Variants in TRPM7 observed in about 807,000 individuals in gnomAD.
TRPM7 encodes the protein transient receptor potential cation channel subfamily M member 7.
TRPM7 carries 134 observed loss-of-function variants against 229.7 expected under a neutral mutation model. The ratio of observed to expected loss-of-function variants is 0.58; its 90% CI spans 0.51 to 0.67. TRPM7 has a LOEUF of 0.67. Among genes scored for constraint, TRPM7 ranks in the 30% least tolerant of loss-of-function variants. The pLI is 0.00. For synonymous variants in TRPM7, 699 were observed against 715.2 expected (o/e 0.98, Z 0.36); for missense variants, 1,901 against 2,210.0 (o/e 0.86, Z 2.80).
intron 7 of TRPM7, among the ~76,000 whole-genome samples, chr15:50,636,389 C>G (rs1023845930): frequency 3.3e-5 from 5 of 152,086 alleles, no homozygotes; most frequent in African/African-American, 4.8e-5. Context: ...CAGGGTTTCA[C>G]CATACTGGTC....
chr15:50,624,350 C>A, intron 11 of TRPM7, 50 bp from the exon 12 acceptor site: 3 of 1,460,902 alleles, frequency 2.1e-6, no homozygotes, highest in Non-Finnish European at 2.8e-6. Context: ...TCTAATTATA[C>A]AAACACTTTT....
Position 50,639,469 on chromosome 15 carries a change from A to G in TRPM7, c.615T>C (p.Ala205=). The change falls in exon 6 of 39, where the codon GCT becomes GCC. Residue 205 remains alanine, a synonymous_variant. Coordinates refer to ENST00000646667, the MANE Select transcript of TRPM7 (RefSeq NM_017672.6). ...SSRKICTIGI[A]PWGVIENRND... Reference sequence around the variant, plus strand: ...TTCTGTTTTCAATCACTCCCCATGGAGCTATTCCGATAGTGCAAATCTTTC... The same window carrying G: ...TTCTGTTTTCAATCACTCCCCATGGGGCTATTCCGATAGTGCAAATCTTTC... The G allele has an allele frequency of 6.2e-7, 1 of 1,612,046 alleles. No homozygotes were observed. Among genetic ancestry groups the G allele is most frequent in the Non-Finnish European group, 8.5e-7 (1 of 1,178,624 alleles).
Position 50,627,381 on chromosome 15 carries a change from T to C in TRPM7, c.1305+768A>G, listed in dbSNP as rs569396488. 1.4e-3 allele frequency among the ~76,000 whole-genome samples: 214 copies of C among 151,878 alleles called. 1 individual carries two copies. Among genetic ancestry groups the C allele is most frequent in the Admixed American group, 7.5e-3 (115 of 15,244 alleles). Reference sequence around the variant, plus strand: ...GACATTTGGTTAGAGGCCAGAAAGATAGGAGGAATTAAGCCCACGTGGGTA... The same window carrying C: ...GACATTTGGTTAGAGGCCAGAAAGACAGGAGGAATTAAGCCCACGTGGGTA... On this transcript the variant is annotated intron_variant, in intron 11 of 38. Coordinates refer to ENST00000646667, the MANE Select transcript of TRPM7 (RefSeq NM_017672.6).
At chr15:50,642,996 T>C (rs756036165) in intron 5 of TRPM7, among the ~76,000 whole-genome samples, 2 of 152,158 alleles carry the variant, frequency 1.3e-5, no homozygotes. Flanking sequence ...ATTGCTATTA[T>C]AAAAAAATTT....
intron 26 of TRPM7, among the ~76,000 whole-genome samples, chr15:50,590,683 G>T (rs1031132185): frequency 5.9e-5 from 9 of 152,192 alleles, no homozygotes; most frequent in African/African-American, 2.2e-4. Context: ...AATTAGCCAG[G>T]TGTGGTGGCG....
At chr15:50,645,729 A>G (rs2061244133) in intron 4 of TRPM7, among the ~76,000 whole-genome samples, 1 of 152,206 alleles carries the variant, frequency 6.6e-6, no homozygotes, top group Non-Finnish European at 1.5e-5. Flanking sequence ...TCTAAAGTTA[A>G]TGTTTTTAAT....
intron 11 of TRPM7, among the ~76,000 whole-genome samples, chr15:50,625,189 C>A (rs1041108614): frequency 1.3e-5 from 2 of 151,980 alleles, no homozygotes; most frequent in African/African-American, 4.8e-5. Context: ...TTGTATATTT[C>A]TGTGTATTTT....
intron 2 of TRPM7, among the ~76,000 whole-genome samples, chr15:50,660,642 T>C (rs2061699025): frequency 6.6e-6 from 1 of 152,124 alleles, no homozygotes; most frequent in East Asian, 1.9e-4. Context: ...TGAGCCACCA[T>C]GCCCAGCCTA....
intron 2 of TRPM7, among the ~76,000 whole-genome samples, chr15:50,658,407 T>C (rs1567099743): frequency 1.3e-5 from 2 of 150,304 alleles, no homozygotes; most frequent in Admixed American, 6.6e-5. Context: ...ACTCCGTCTC[T>C]ACAAAAAAAA....
chr15:50,611,215 T>A lies in TRPM7; in HGVS notation c.2158A>T (p.Thr720Ser), dbSNP rs1040254222. ...GAAGAAACTGCTAACTTAAGGCAGG[T>A]TGAATTACTCCAGTTCTTCAGTTCA... ...TYELKNWSNS[T>S]CLKLAVSSRL... The change falls in exon 17 of 39, where the codon ACC (threonine) becomes TCC (serine). Residue 720 changes from threonine to serine, a missense_variant. Physicochemically the swap from Thr to Ser is moderately conservative, Grantham distance 58 (BLOSUM62 1). Transcript: ENST00000646667. 1.2e-6 allele frequency: 2 copies of A among 1,613,862 alleles called. No homozygotes were observed. The highest frequency in any genetic ancestry group is 1.7e-6 in the Non-Finnish European group (2 of 1,179,952).
chr15:50,632,687 G>C (rs1244522546), intron 9 of TRPM7, among the ~76,000 whole-genome samples, 182 bp downstream of exon 9: 1 of 152,000 alleles, frequency 6.6e-6, no homozygotes, highest in Non-Finnish European at 1.5e-5. Context: ...AAAACTACAG[G>C]CCTCCTTCTA....
chr15:50,642,542 C>G (rs774057232), intron 5 of TRPM7, among the ~76,000 whole-genome samples: 36 of 152,184 alleles, frequency 2.4e-4, no homozygotes, highest in Non-Finnish European at 4.4e-4. Flanking sequence ...CTCCCAAGAT[C>G]TGATGGCTTT....
intron 6 of TRPM7, among the ~76,000 whole-genome samples, chr15:50,637,827 A>G (rs1567057845): frequency 6.6e-6 from 1 of 152,232 alleles, no homozygotes; most frequent in Non-Finnish European, 1.5e-5. Flanking sequence ...GCAGAATTAT[A>G]TATTTCATCA....
intron 4 of TRPM7, among the ~76,000 whole-genome samples, chr15:50,645,888 C>T (rs1172789162): frequency 6.6e-6 from 1 of 152,070 alleles, no homozygotes; most frequent in Non-Finnish European, 1.5e-5. Context: ...GGCATGGTGG[C>T]TCACACCTGT....
intron 3 of TRPM7, 114 bp downstream of exon 3, chr15:50,657,667 C>T: frequency 2.2e-6 from 2 of 894,136 alleles, no homozygotes; most frequent in Non-Finnish European, 3.5e-6. Flanking sequence ...GGTAAAGTAC[C>T]CATCAAATAT....
At chr15:50,624,512 A>G (rs546283260) in intron 11 of TRPM7, among the ~76,000 whole-genome samples, 4 of 152,328 alleles carry the variant, frequency 2.6e-5, no homozygotes, top group Admixed American at 6.5e-5. Context: ...CTTAAAGAAT[A>G]TTCCACAAAC....
At chr15:50,666,601 C>T (rs1343420119) in intron 1 of TRPM7, among the ~76,000 whole-genome samples, 3 of 151,536 alleles carry the variant, frequency 2.0e-5, no homozygotes, top group East Asian at 2.0e-4. Context: ...GTTGGGAGTT[C>T]GAGACCAGCC....
At chr15:50,575,216 C>A in intron 33 of TRPM7, 81 bp from the exon 34 acceptor site, 1 of 1,266,158 alleles carries the variant, frequency 7.9e-7, no homozygotes, top group Non-Finnish European at 1.1e-6. Flanking sequence ...TAGCAGGCAT[C>A]TTTGATTAAG....
rs2061612488 is a variant in TRPM7, at chr15:50,657,710, A to G, written c.122+71T>C. 3 of 1,358,774 alleles carry G rather than the reference A, an allele frequency of 2.2e-6. No homozygotes were observed. The African/African-American group carries it at 4.4e-5, about 20-fold the overall frequency. 84.2% of individuals were successfully genotyped at this position (1,358,774 alleles called of 1,614,324 possible). On this transcript the variant is annotated intron_variant, in intron 3 of 38. Transcript: ENST00000646667. ...TGTGAGTTTCATGCCACTGTGTTCT[A>G]ACTCATATTTCTAATAGATTAGTTT...
Sources: allele counts gnomAD v4.1 joint callset (sites outside exome capture counted in the v4.1 genomes callset), GRCh38; gene constraint gnomAD v4.1.1; transcripts MANE v1.5; gene names NCBI Gene and HGNC (gene_info 2026-07-23, HGNC 2026-07-21).